The following TANGO6 variants were observed in gnomAD, a reference collection of about 807,000 sequenced individuals.
TANGO6 encodes the protein transport and golgi organization 6 homolog.
TANGO6 carries 90 observed loss-of-function variants against 114.2 expected under a neutral mutation model. That is an observed-to-expected ratio of 0.79 (90% CI 0.66 to 0.94). The LOEUF (loss-of-function observed/expected upper bound fraction) is 0.94, where lower values mean the gene tolerates loss of function less well. TANGO6 is among the 40% of genes least tolerant of loss of function. The probability of loss-of-function intolerance (pLI) is 0.00; values close to 1 mark genes in which losing one functional copy is unlikely to be tolerated. For missense variants in TANGO6, 1,274 were observed against 1,315.3 expected, an observed-to-expected ratio of 0.97 and a Z score of 0.49; for synonymous variants, 477 against 509.8, an observed-to-expected ratio of 0.94 and a Z score of 0.87.
At chr16:68,906,716 T>C (rs898745967) in intron 9 of TANGO6, among the ~76,000 whole-genome samples, 1 of 151,852 alleles carries the variant, frequency 6.6e-6, no homozygotes, top group African/African-American at 2.4e-5. Flanking sequence ...CCTAGTGCAC[T>C]ACAGGTGTGC....
intron 12 of TANGO6, among the ~76,000 whole-genome samples, chr16:68,921,340 G>A (rs1400880688): frequency 2.0e-5 from 3 of 151,112 alleles, no homozygotes; most frequent in African/African-American, 4.8e-5. Context: ...GCACCACCAC[G>A]CCCAGCTAAT....
chr16:68,961,334 C>T (rs78463019), intron 14 of TANGO6, among the ~76,000 whole-genome samples: 13,217 of 152,244 alleles, frequency 0.087, 664 homozygotes, highest in African/African-American at 0.13. Context: ...ACTGAGCATG[C>T]GGGTTTGCAG....
chr16:68,882,837 T>C (rs1295121083), intron 7 of TANGO6, among the ~76,000 whole-genome samples: 3 of 151,888 alleles, frequency 2.0e-5, no homozygotes, highest in Non-Finnish European at 4.4e-5. Flanking sequence ...ACTAACATGG[T>C]GAAACCCTGT....
intron 17 of TANGO6, among the ~76,000 whole-genome samples, chr16:69,058,592 G>C (rs1567567855): frequency 6.6e-6 from 1 of 152,206 alleles, no homozygotes; most frequent in East Asian, 1.9e-4. Flanking sequence ...GATCATACTT[G>C]AGGAAGAGGT....
At chr16:68,865,208 G>A (rs962015627) in intron 3 of TANGO6, among the ~76,000 whole-genome samples, 2 of 151,632 alleles carry the variant, frequency 1.3e-5, no homozygotes, top group Non-Finnish European at 2.9e-5. Flanking sequence ...CCTGGGAGGC[G>A]GAGGTTGCAG....
intron 17 of TANGO6, among the ~76,000 whole-genome samples, chr16:69,079,193 G>A (rs1217912791): frequency 6.6e-6 from 1 of 151,966 alleles, no homozygotes; most frequent in Non-Finnish European, 1.5e-5. Context: ...AGCTGGGCAT[G>A]GTGGCGCATG....
intron 15 of TANGO6, among the ~76,000 whole-genome samples, chr16:68,988,605 G>T (rs532276870): frequency 4.8e-4 from 73 of 151,310 alleles, no homozygotes; most frequent in Non-Finnish European, 8.0e-4. Context: ...AATGATCTTA[G>T]CTTTTATGTT....
chr16:68,954,962 G>T (rs750120658), intron 14 of TANGO6, among the ~76,000 whole-genome samples: 14 of 152,124 alleles, frequency 9.2e-5, no homozygotes, highest in Non-Finnish European at 1.8e-4. Flanking sequence ...AATAAGAAGA[G>T]AATGTTTTTA....
At chr16:68,964,970 C>T (rs548757976) in intron 14 of TANGO6, among the ~76,000 whole-genome samples, 6 of 152,170 alleles carry the variant, frequency 3.9e-5, no homozygotes, top group South Asian at 4.1e-4. Context: ...TTTTCTATTA[C>T]GAATAGTGCT....
intron 12 of TANGO6, among the ~76,000 whole-genome samples, chr16:68,925,938 T>G (rs886333131): frequency 6.6e-6 from 1 of 151,262 alleles, no homozygotes; most frequent in Non-Finnish European, 1.5e-5. Context: ...TTTTTTCCAT[T>G]TAAAGCCTTT....
At chr16:68,861,608 A>G (rs924179712) in intron 2 of TANGO6, among the ~76,000 whole-genome samples, 8 of 152,164 alleles carry the variant, frequency 5.3e-5, no homozygotes, top group African/African-American at 1.9e-4. Flanking sequence ...ACTGAGGCTA[A>G]ACTGTGCCCA....
At chr16:69,009,516 T>A (rs1964126714) in intron 15 of TANGO6, among the ~76,000 whole-genome samples, 1 of 152,230 alleles carries the variant, frequency 6.6e-6, no homozygotes, top group South Asian at 2.1e-4. Flanking sequence ...TTTTTCACTG[T>A]TGTGGATCCC....
intron 7 of TANGO6, among the ~76,000 whole-genome samples, chr16:68,895,881 A>G (rs1290818331): frequency 6.6e-6 from 1 of 152,120 alleles, no homozygotes; most frequent in Non-Finnish European, 1.5e-5. Context: ...GTACATAGTT[A>G]TGTGAAACTG....
chr16:68,901,511 C>T (rs1017132015), intron 8 of TANGO6, among the ~76,000 whole-genome samples: 5 of 152,088 alleles, frequency 3.3e-5, no homozygotes, highest in African/African-American at 9.7e-5. Flanking sequence ...TTTTTTGAGA[C>T]GGAGTCTCGC....
At chr16:68,940,884 G>A (rs966192628) in intron 14 of TANGO6, among the ~76,000 whole-genome samples, 1 of 152,034 alleles carries the variant, frequency 6.6e-6, no homozygotes, top group Non-Finnish European at 1.5e-5. Flanking sequence ...ATTTCCTATT[G>A]AAATATAGGA....
chr16:69,083,358 C>T, intron 17 of TANGO6, 127 bp from the exon 18 acceptor site: 4 of 1,224,382 alleles, frequency 3.3e-6, no homozygotes, highest in Non-Finnish European at 4.4e-6. Flanking sequence ...TGCACCCAGC[C>T]ACATTATCTT....
Position 68,902,447 on chromosome 16 carries a change from GTCAGTTTAGAGTTGCCAC to G in TANGO6, c.1614_1631del (p.Phe539_Gln544del). On this transcript the variant is annotated inframe_deletion, in exon 9 of 18. Coordinates refer to ENST00000261778, the MANE Select transcript of TANGO6 (RefSeq NM_024562.2). ...GCTGTGCCCTCTCTCCATTCTCTGT[GTCAGTTTAGAGTTGCCAC>G]TCAAGGTGGCATTATGATTACCATC... 6.2e-7 allele frequency: 1 copy of G among 1,613,688 alleles called. No homozygotes were observed.
chr16:68,950,285 G>A (rs1291637082), intron 14 of TANGO6, among the ~76,000 whole-genome samples: 3 of 152,150 alleles, frequency 2.0e-5, no homozygotes, highest in Non-Finnish European at 4.4e-5. Flanking sequence ...AAAATTAAAG[G>A]CCACACGTGG....
chr16:68,941,081 G>C (rs77524565), intron 14 of TANGO6, among the ~76,000 whole-genome samples: 4,469 of 152,064 alleles, frequency 0.029, 233 homozygotes, highest in African/African-American at 0.1. Flanking sequence ...TCAAAGCCTT[G>C]GTAATATAAC....
Sources: gnomAD v4.1 joint callset for allele counts (sites outside exome capture counted in the v4.1 genomes callset) on GRCh38, gnomAD v4.1.1 for gene constraint, MANE v1.5 for transcripts, NCBI Gene and HGNC (gene_info 2026-07-23, HGNC 2026-07-21) for gene names.